Variants in TTC7B observed in about 807,000 individuals in gnomAD.
TTC7B encodes the protein tetratricopeptide repeat domain 7B, also known as tetratricopeptide repeat protein 7B.
A neutral mutation model predicts 106.8 loss-of-function variants in TTC7B; 28 were observed. That is an observed-to-expected ratio of 0.26 (90% CI 0.19 to 0.36). TTC7B has a LOEUF of 0.36. Among genes scored for constraint, TTC7B ranks in the 10% least tolerant of loss-of-function variants. The probability of loss-of-function intolerance (pLI) is 1.00; values close to 1 mark genes in which losing one functional copy is unlikely to be tolerated. For synonymous variants in TTC7B, 405 were observed against 430.6 expected, an observed-to-expected ratio of 0.94 and a Z score of 0.74; for missense variants, 862 against 1,076.4, an observed-to-expected ratio of 0.80 and a Z score of 2.79.
chr14:90,696,689 C>CT (rs141002162), intron 5 of TTC7B, among the ~76,000 whole-genome samples: 1,928 of 152,276 alleles, frequency 0.013, 39 homozygotes, highest in African/African-American at 0.043. Flanking sequence ...GGCCCCAGAA[C>CT]TTTAAGATAA....
chr14:90,615,420 G>T (rs941983684), intron 16 of TTC7B, among the ~76,000 whole-genome samples: 2 of 152,208 alleles, frequency 1.3e-5, no homozygotes, highest in Non-Finnish European at 2.9e-5. Context: ...AAGGAAGCCG[G>T]GAAGTCAGCA....
chr14:90,750,455 A>G (rs1014522735), intron 3 of TTC7B, among the ~76,000 whole-genome samples: 23 of 152,352 alleles, frequency 1.5e-4, no homozygotes, highest in Middle Eastern at 6.8e-3. Context: ...AATCAAAGAA[A>G]GGCCAAATCC....
At chr14:90,785,456 T>C (rs1173034966) in intron 2 of TTC7B, among the ~76,000 whole-genome samples, 2 of 151,886 alleles carry the variant, frequency 1.3e-5, no homozygotes, top group Non-Finnish European at 2.9e-5. Flanking sequence ...CCATCTGAAC[T>C]AGGGGAAGCA....
chr14:90,560,832 T>G (rs1023215102), intron 19 of TTC7B, among the ~76,000 whole-genome samples: 6 of 152,216 alleles, frequency 3.9e-5, no homozygotes, highest in Admixed American at 6.5e-5. Context: ...GAAGGTGAGA[T>G]TCTAGCTGGC....
chr14:90,586,891 G>A (rs971267289), intron 18 of TTC7B, among the ~76,000 whole-genome samples: 1 of 152,132 alleles, frequency 6.6e-6, no homozygotes, highest in African/African-American at 2.4e-5. Context: ...GGTGTCACCA[G>A]TCACCCACAG....
At chr14:90,719,419 C>T (rs761687199) in intron 5 of TTC7B, among the ~76,000 whole-genome samples, 1 of 152,210 alleles carries the variant, frequency 6.6e-6, no homozygotes, top group Admixed American at 6.5e-5. Flanking sequence ...TAACTTGCAG[C>T]CAGACTGGGA....
At position 90,541,299 on chromosome 14, in the gene TTC7B, T is replaced by C; in HGVS notation, c.*69A>G. 1 of 1,412,226 alleles carries C rather than the reference T, an allele frequency of 7.1e-7. No individual in the cohort carries two copies. Among genetic ancestry groups the C allele is most frequent in the Non-Finnish European group, 9.6e-7 (1 of 1,041,434 alleles). The allele number at this position is 1,412,226 out of a possible 1,614,324, so 87.5% of individuals were successfully genotyped here. A position where few individuals can be genotyped will look rare whatever the true frequency, so the allele number is the denominator to read the frequency against. On this transcript the variant is annotated 3_prime_UTR_variant, in exon 20 of 20. Transcript: ENST00000328459. Reference sequence around the variant, plus strand: ...TGGCAGATTCATCCCCTTGGGGCGATGGCACAAGCCCTGGTGCCCGGCAGG... The same window carrying C: ...TGGCAGATTCATCCCCTTGGGGCGACGGCACAAGCCCTGGTGCCCGGCAGG...
chr14:90,810,881 G>C (rs2030863522), intron 1 of TTC7B, among the ~76,000 whole-genome samples: 1 of 152,222 alleles, frequency 6.6e-6, no homozygotes, highest in Non-Finnish European at 1.5e-5. Context: ...AATAGCGTGA[G>C]CAAAGGTGCA....
chr14:90,768,466 A>C (rs1335473722), intron 3 of TTC7B, among the ~76,000 whole-genome samples: 1 of 152,236 alleles, frequency 6.6e-6, no homozygotes, highest in African/African-American at 2.4e-5. Context: ...AACCGTACCC[A>C]TGAACAAATC....
rs888189348 is a variant in TTC7B, at chr14:90,536,859, T to C, written c.*4509A>G. 1 of 152,262 alleles carries C rather than the reference T, an allele frequency of 6.6e-6. No homozygotes were observed. Among genetic ancestry groups the C allele is most frequent in the Non-Finnish European group, 1.5e-5 (1 of 68,124 alleles). The allele number at this position is 152,262 out of a possible 1,614,324, so 9.4% of individuals were successfully genotyped here. On this transcript the variant is annotated 3_prime_UTR_variant, in exon 20 of 20. Coordinates refer to ENST00000328459, the MANE Select transcript of TTC7B (RefSeq NM_001010854.2). The stretch of plus-strand genomic sequence containing the variant: ...TCCATGACAGATGGAGCGATGCAGA[T>C]GTGATTGAACGAAGGCTCTCGAGGT...
intron 18 of TTC7B, among the ~76,000 whole-genome samples, chr14:90,586,649 C>T (rs760998358): frequency 2.6e-5 from 4 of 152,188 alleles, no homozygotes; most frequent in African/African-American, 7.2e-5. Flanking sequence ...CTTCTTAGGC[C>T]GTCTTAGCAC....
In TTC7B at chr14:90,657,095, T is replaced by TTTTTC; in HGVS notation, c.1341+78_1341+79insGAAAA. The TTTTTC allele has an allele frequency of 8.2e-7, 1 of 1,218,578 alleles. No individual in the cohort carries two copies. Among genetic ancestry groups the TTTTTC allele is most frequent in the Non-Finnish European group, 1.2e-6 (1 of 844,068 alleles). 75.5% of individuals were successfully genotyped at this position (1,218,578 alleles called of 1,614,324 possible). Reference sequence around the variant, plus strand: ...TGATGAATCACCCTCGCTTTCTCTCTGTGCCTCGACATGAAAAAAATGGGC... The same window carrying TTTTTC: ...TGATGAATCACCCTCGCTTTCTCTCTTTTTCGTGCCTCGACATGAAAAAAATGGGC... On this transcript the variant is annotated intron_variant, in intron 11 of 19. Coordinates refer to ENST00000328459, the MANE Select transcript of TTC7B (RefSeq NM_001010854.2). This position sits in a 1 kb window ranked among gnomAD's most constrained non-coding sequence, Gnocchi z 4.2.
rs994490527 is a variant in TTC7B at position 90,800,637 on chromosome 14, C to G, written c.122-14309G>C. Among the ~76,000 whole-genome samples, 18 of 151,904 alleles carry G rather than the reference C, an allele frequency of 1.2e-4. 1 individual carries two copies. Among genetic ancestry groups the G allele is most frequent in the Non-Finnish European group, 2.9e-5 (2 of 67,962 alleles). On this transcript the variant is annotated intron_variant, in intron 1 of 19. Coordinates refer to ENST00000328459, the MANE Select transcript of TTC7B (RefSeq NM_001010854.2). Reference sequence around the variant, plus strand: ...CCATCCTGGCTAACACAGTGAAACCCTGTCTCTACTAAAAATACAAAAAAT... The same window carrying G: ...CCATCCTGGCTAACACAGTGAAACCGTGTCTCTACTAAAAATACAAAAAAT...
intron 15 of TTC7B, among the ~76,000 whole-genome samples, chr14:90,636,805 T>C (rs918877125): frequency 6.6e-6 from 1 of 151,472 alleles, no homozygotes; most frequent in Non-Finnish European, 1.5e-5. Flanking sequence ...AAAAAGAAAA[T>C]AACAGAAATT....
At chr14:90,638,044 GCTA>G (rs1885018279) in intron 15 of TTC7B, among the ~76,000 whole-genome samples, 1 of 150,718 alleles carries the variant, frequency 6.6e-6, no homozygotes, top group Non-Finnish European at 1.5e-5. Context: ...ATCACATCTG[GCTA>G]CCCTTTTTTT....
At chr14:90,574,726 G>A (rs1304014449) in intron 19 of TTC7B, among the ~76,000 whole-genome samples, 2 of 152,300 alleles carry the variant, frequency 1.3e-5, no homozygotes, top group East Asian at 1.9e-4. Context: ...GTTCTCTGCC[G>A]TCACATCAGC....
chr14:90,759,051 G>A lies in TTC7B; in HGVS notation c.446-14129C>T, dbSNP rs1483515011. On this transcript the variant is annotated intron_variant, in intron 3 of 19. Transcript: ENST00000328459. The surrounding 1 kb of genome is among the most constrained non-coding windows in gnomAD (Gnocchi z 4.1). Reference sequence around the variant, plus strand: ...CCTCTGTCTGTCTTGAGAGACTGCGGTGGGCCCTGCAGGGCAGCTGCCTGC... The same window carrying A: ...CCTCTGTCTGTCTTGAGAGACTGCGATGGGCCCTGCAGGGCAGCTGCCTGC... Among the ~76,000 whole-genome samples the A allele has an allele frequency of 6.6e-6, 1 of 152,130 alleles. No individual in the cohort carries two copies. The highest frequency in any genetic ancestry group is 1.5e-5 in the Non-Finnish European group (1 of 68,034).
At chr14:90,593,869 G>A (rs1028179491) in intron 17 of TTC7B, 94 of 369,936 alleles carry the variant, frequency 2.5e-4, no homozygotes, top group Non-Finnish European at 4.3e-4. Context: ...TCAGCCTAGC[G>A]GTGTGAGTGC....
intron 18 of TTC7B, among the ~76,000 whole-genome samples, chr14:90,584,599 A>T (rs1186758020): frequency 6.6e-6 from 1 of 152,122 alleles, no homozygotes; most frequent in East Asian, 1.9e-4. Context: ...GGAAACGCAC[A>T]CAAAGGAGCA....
Sources: gnomAD v4.1 joint callset for allele counts (sites outside exome capture counted in the v4.1 genomes callset) on GRCh38, gnomAD v4.1.1 for gene constraint, Gnocchi (gnomAD v3.1) non-coding constraint, MANE v1.5 for transcripts, NCBI Gene and HGNC (gene_info 2026-07-23, HGNC 2026-07-21) for gene names.